The following AKR1B15 variants were observed in gnomAD, a reference collection of about 807,000 sequenced individuals.
AKR1B15 encodes aldo-keto reductase family 1 member B15, also known as estradiol 17-beta-dehydrogenase AKR1B15.
Under a neutral mutation model 38.5 loss-of-function variants are expected in AKR1B15, and 49 were observed. The ratio of observed to expected loss-of-function variants is 1.27; its 90% confidence interval spans 1.01 to 1.62. The LOEUF (loss-of-function observed/expected upper bound fraction) is 1.62, where lower values mean the gene tolerates loss of function less well. Ranked by LOEUF, AKR1B15 falls within the 40% of genes most tolerant of loss-of-function variation. The pLI is 0.00. For missense variants in AKR1B15, 411 were observed against 381.6 expected, an observed-to-expected ratio of 1.08 and a Z score of -0.64; for synonymous variants, 137 against 135.5, an observed-to-expected ratio of 1.01 and a Z score of -0.08.
Position 134,576,338 on chromosome 7 carries a change from T to C in AKR1B15, c.744-11T>C, listed in dbSNP as rs1280521055. 6.2e-7 allele frequency: 1 copy of C among 1,613,356 alleles called. No individual in the cohort carries two copies. Among genetic ancestry groups the C allele is most frequent in the Non-Finnish European group, 8.5e-7 (1 of 1,179,566 alleles). On this transcript the variant is annotated splice_polypyrimidine_tract_variant and intron_variant, in intron 8 of 11. Coordinates refer to ENST00000457545, the MANE Select transcript of AKR1B15 (RefSeq NM_001080538.3). ...TGGTGATTATTCACATCAGCATCTTTCTGCCCCTAGGGCCAAACCTGAGGA... is the reference window on the plus strand; with the variant it reads ...TGGTGATTATTCACATCAGCATCTTCCTGCCCCTAGGGCCAAACCTGAGGA...
intron 3 of AKR1B15, among the ~76,000 whole-genome samples, chr7:134,565,898 G>A (rs1432136940): frequency 6.6e-6 from 1 of 152,110 alleles, no homozygotes; most frequent in Non-Finnish European, 1.5e-5. Flanking sequence ...TGGGCTGGGT[G>A]GTTGTGGAGA....
At chr7:134,551,673 G>C (rs1157250518) in intron 1 of AKR1B15, among the ~76,000 whole-genome samples, 1 of 152,186 alleles carries the variant, frequency 6.6e-6, no homozygotes, top group Non-Finnish European at 1.5e-5. Flanking sequence ...AAGCTTAGTG[G>C]CTGCCATCCA....
intron 6 of AKR1B15, 70 bp from the exon 7 acceptor site, chr7:134,575,350 A>G (rs1794744197): frequency 2.6e-6 from 4 of 1,559,596 alleles, no homozygotes; most frequent in Non-Finnish European, 3.5e-6. Context: ...TGCCCCAGGG[A>G]AGACTAAGGC....
At chr7:134,555,756 C>T (rs781747682) in intron 1 of AKR1B15, among the ~76,000 whole-genome samples, 6 of 152,092 alleles carry the variant, frequency 3.9e-5, no homozygotes, top group Non-Finnish European at 5.9e-5. Context: ...CTGCAGGGTT[C>T]GGACACACCA....
chr7:134,571,557 A>G (rs1385654375), intron 5 of AKR1B15, 47 bp from the exon 6 acceptor site: 1 of 1,450,638 alleles, frequency 6.9e-7, no homozygotes, highest in African/African-American at 1.4e-5. Flanking sequence ...AACAGAACCA[A>G]GTGTCCTGAT....
chr7:134,562,859 T>G (rs1259351982), intron 2 of AKR1B15, among the ~76,000 whole-genome samples: 4 of 143,816 alleles, frequency 2.8e-5, no homozygotes, highest in African/African-American at 1.1e-4. Flanking sequence ...TCTTTCTTTC[T>G]TTCTTTCTTT....
chr7:134,553,395 C>T (rs1794062478), intron 1 of AKR1B15, among the ~76,000 whole-genome samples: 1 of 152,122 alleles, frequency 6.6e-6, no homozygotes, highest in African/African-American at 2.4e-5. Flanking sequence ...TCATGAAAAC[C>T]AAGGAGTCGC....
chr7:134,563,662 G>C (rs1031636291), intron 2 of AKR1B15, among the ~76,000 whole-genome samples: 2 of 152,192 alleles, frequency 1.3e-5, no homozygotes, highest in African/African-American at 4.8e-5. Context: ...ACCAATCAGT[G>C]CTCTGTGTCT....
At chr7:134,571,567 T>C (rs1488609399) in intron 5 of AKR1B15, 37 bp from the exon 6 acceptor site, 3 of 1,523,662 alleles carry the variant, frequency 2.0e-6, no homozygotes, top group Non-Finnish European at 2.7e-6. Context: ...AGTGTCCTGA[T>C]GCAGATTCCA....
At chr7:134,565,380 TG>T in intron 3 of AKR1B15, 1 of 1,586,688 alleles carries the variant, frequency 6.3e-7, no homozygotes, top group Non-Finnish European at 8.6e-7. Context: ...GCTTCATTCT[TG>T]AAGCCAGCGA....
chr7:134,562,140 T>G (rs551686189), intron 2 of AKR1B15, among the ~76,000 whole-genome samples: 5 of 152,182 alleles, frequency 3.3e-5, no homozygotes, highest in African/African-American at 4.8e-5. Context: ...TGTGCCACTG[T>G]GTCTGGAGTT....
chr7:134,549,341 G>A (rs569160300), intron 1 of AKR1B15, 92 bp downstream of exon 1: 1 of 152,398 alleles, frequency 6.6e-6, no homozygotes, highest in Non-Finnish European at 1.5e-5. Flanking sequence ...GACACTGGAG[G>A]ACAGAGTCCT....
Position 134,564,775 on chromosome 7 carries a change from T to G in AKR1B15, c.150+6T>G, listed in dbSNP as rs1562947875. 4 of 668,160 alleles carry G rather than the reference T, an allele frequency of 6.0e-6. No individual in the cohort carries two copies. The highest frequency in any genetic ancestry group is 1.1e-5 in the Non-Finnish European group (4 of 369,590). The allele number at this position is 668,160 out of a possible 1,614,324, so 41.4% of individuals were successfully genotyped here. The stretch of plus-strand genomic sequence containing the variant: ...TTCTTCGCCCCTATCCAGCAGTAAG[T>G]GGCTAGAGAGGTCATCACCCAATTC... On this transcript the variant is annotated splice_donor_region_variant and intron_variant, in intron 3 of 11. Coordinates refer to ENST00000457545, the MANE Select transcript of AKR1B15 (RefSeq NM_001080538.3).
At chr7:134,559,610 G>T (rs969539505) in intron 2 of AKR1B15, among the ~76,000 whole-genome samples, 2 of 152,150 alleles carry the variant, frequency 1.3e-5, no homozygotes, top group African/African-American at 4.8e-5. Context: ...ACTACTCTTC[G>T]TTCATTTTTC....
rs770102345 is a variant in AKR1B15 at position 134,577,064 on chromosome 7, C to T, written c.909+18C>T. The T allele has an allele frequency of 1.9e-5, 30 of 1,604,646 alleles. No individual in the cohort carries two copies. The highest frequency in any genetic ancestry group is 1.7e-4 in the Middle Eastern group (1 of 6,056). ...ACATTCAGGTAAGTTTCCGGCTGGTCGGGCCTGGTATTCCTCAGTGGAGTG... is the reference window on the plus strand; with the variant it reads ...ACATTCAGGTAAGTTTCCGGCTGGTTGGGCCTGGTATTCCTCAGTGGAGTG... On this transcript the variant is annotated intron_variant, in intron 10 of 11. Transcript: ENST00000457545.
intron 6 of AKR1B15, chr7:134,573,577 G>C (rs1388645785): frequency 2.0e-6 from 2 of 981,802 alleles, no homozygotes; most frequent in Non-Finnish European, 2.4e-6. Flanking sequence ...AACCAGTTCA[G>C]TAGAAACCTC....
intron 5 of AKR1B15, chr7:134,570,262 C>T (rs1027800024): frequency 2.0e-5 from 3 of 152,190 alleles, no homozygotes; most frequent in African/African-American, 7.2e-5. Flanking sequence ...TGCTCTCAAA[C>T]CCTGTCTCCT....
At chr7:134,576,461 A>G (rs375708670) in intron 9 of AKR1B15, 31 bp downstream of exon 9, 2 of 1,608,474 alleles carry the variant, frequency 1.2e-6, no homozygotes, top group South Asian at 1.1e-5. Context: ...TTGTTATCCA[A>G]CCACTCATGC....
In AKR1B15 at chr7:134,564,692, G is replaced by A; in HGVS notation, c.73G>A (p.Gly25Ser). The A allele has an allele frequency of 1.4e-6, 1 of 699,206 alleles. No individual in the cohort carries two copies. Among genetic ancestry groups the A allele is most frequent in the South Asian group, 1.5e-5 (1 of 66,930 alleles). 43.3% of individuals were successfully genotyped at this position (699,206 alleles called of 1,614,324 possible). The change falls in exon 3 of 12, where the codon GGC (glycine) becomes AGC (serine). Residue 25 changes from glycine to serine, a missense_variant. Around this residue, in one of 3 missense-constraint regions of AKR1B15, gnomAD observed 254 missense variants for 212.4 expected, o/e 1.20. Transcript: ENST00000457545. ...FHQGPLDQPV[G>S]PLTGLKSSLL... ...CCAAGGACCCCTGGACCAACCCGTT[G>A]GCCCTTTGACTGGCCTAAAGAGTTC...
Sources: allele counts gnomAD v4.1 joint callset (sites outside exome capture counted in the v4.1 genomes callset), GRCh38; gene constraint gnomAD v4.1.1; regional missense constraint gnomAD v4.1.1; transcripts MANE v1.5; gene names NCBI Gene and HGNC (gene_info 2026-07-23, HGNC 2026-07-21).